FOXP2: variants seen among roughly 807,000 people sequenced by gnomAD.
The protein encoded by FOXP2 is forkhead box P2, also known as forkhead box protein P2.
Under a neutral mutation model 115.8 loss-of-function variants are expected in FOXP2, and 12 were observed. The observed-to-expected ratio is 0.10, with a 90% CI of 0.07 to 0.17. FOXP2 has a LOEUF of 0.17. Ranked by LOEUF, FOXP2 falls within the 10% of genes least tolerant of loss-of-function variation. FOXP2 has a pLI of 1.00. For synonymous variants in FOXP2, 328 were observed against 297.7 expected (o/e 1.10, Z -1.05); for missense variants, 629 against 843.5 (o/e 0.75, Z 3.15).
chr7:114,501,935 C>G (rs1272113200), intron 2 of FOXP2, among the ~76,000 whole-genome samples: 1 of 151,920 alleles, frequency 6.6e-6, no homozygotes, highest in Non-Finnish European at 1.5e-5. Flanking sequence ...TATTAATAAA[C>G]TGGAAACAAG....
chr7:114,311,115 G>T (rs1410015622), intron 2 of FOXP2, among the ~76,000 whole-genome samples: 1 of 152,006 alleles, frequency 6.6e-6, no homozygotes, highest in Non-Finnish European at 1.5e-5. Context: ...TTTCCCTGGC[G>T]CTGGCTGTGA....
chr7:114,664,244 G>C, intron 15 of FOXP2, 29 bp from the exon 16 acceptor site: 1 of 1,610,808 alleles, frequency 6.2e-7, no homozygotes, highest in Non-Finnish European at 8.5e-7. Context: ...CATTTTGAAA[G>C]TTGTTTTACA....
chr7:114,387,298 A>G (rs2129193365), intron 2 of FOXP2, among the ~76,000 whole-genome samples: 1 of 152,342 alleles, frequency 6.6e-6, no homozygotes, highest in East Asian at 1.9e-4. Context: ...TCATTGGAGT[A>G]TTAAATATTT....
chr7:114,439,335 GA>G (rs1794496491), intron 2 of FOXP2, among the ~76,000 whole-genome samples: 1 of 152,040 alleles, frequency 6.6e-6, no homozygotes. Context: ...TAACCTTCCT[GA>G]GCCTCTCCGG....
chr7:114,423,862 CT>C (rs1314792733), intron 1 of FOXP2, among the ~76,000 whole-genome samples: 2 of 151,336 alleles, frequency 1.3e-5, no homozygotes, highest in Non-Finnish European at 3.0e-5. Flanking sequence ...ATACTCCAAG[CT>C]TTTTTAAGTG....
chr7:114,496,081 G>A (rs1016737299), intron 2 of FOXP2, among the ~76,000 whole-genome samples: 1 of 152,046 alleles, frequency 6.6e-6, no homozygotes, highest in Non-Finnish European at 1.5e-5. Flanking sequence ...AATAGCAAAA[G>A]TGGTGAATTC....
At chr7:114,243,504 G>C (rs1183366745) in intron 1 of FOXP2, among the ~76,000 whole-genome samples, 3 of 152,124 alleles carry the variant, frequency 2.0e-5, no homozygotes, top group Non-Finnish European at 4.4e-5. Context: ...GGTTGCTATT[G>C]AGAATGGGAT....
chr7:114,408,607 A>G (rs1584701372), intron 2 of FOXP2, among the ~76,000 whole-genome samples: 1 of 152,030 alleles, frequency 6.6e-6, no homozygotes, highest in African/African-American at 2.4e-5. Context: ...CATGTCTGTA[A>G]TCCCAGCTAC....
chr7:114,217,506 T>C lies in FOXP2; in HGVS notation c.-102+54418T>C, dbSNP rs112040317. Among the ~76,000 whole-genome samples the C allele has an allele frequency of 4.9e-3, 741 of 152,290 alleles. 3 individuals are homozygous for C. Among genetic ancestry groups the C allele is most frequent in the African/African-American group, 0.017 (687 of 41,568 alleles). On this transcript the variant is annotated intron_variant, in intron 1 of 17. Transcript: ENST00000634411. Reference sequence around the variant, plus strand: ...TTTGGTCATGAGACACTTTTTTTTTTCCTATAGGCAGAGAAACACTGGAAG... The same window carrying C: ...TTTGGTCATGAGACACTTTTTTTTTCCCTATAGGCAGAGAAACACTGGAAG...
At chr7:114,320,306 C>A (rs1476272102) in intron 2 of FOXP2, among the ~76,000 whole-genome samples, 3 of 152,220 alleles carry the variant, frequency 2.0e-5, no homozygotes, top group Non-Finnish European at 4.4e-5. Flanking sequence ...CTTCAACTTT[C>A]AAAACCCTGC....
chr7:114,328,736 C>A (rs527765611), intron 2 of FOXP2, among the ~76,000 whole-genome samples: 1 of 152,308 alleles, frequency 6.6e-6, no homozygotes, highest in African/African-American at 2.4e-5. Context: ...AATACATGCC[C>A]TATACTTGTT....
chr7:114,302,397 T>C (rs1796900189), intron 2 of FOXP2, among the ~76,000 whole-genome samples: 2 of 152,198 alleles, frequency 1.3e-5, no homozygotes, highest in African/African-American at 4.8e-5. Context: ...TCCTAGTTGC[T>C]TCATACTTCT....
chr7:114,210,140 C>T (rs1270646727), intron 1 of FOXP2, among the ~76,000 whole-genome samples: 1 of 152,170 alleles, frequency 6.6e-6, no homozygotes, highest in African/African-American at 2.4e-5. Flanking sequence ...TCAATTCATC[C>T]ATCTTAGCCT....
chr7:114,626,989 G>A (rs1485153973), intron 3 of FOXP2, among the ~76,000 whole-genome samples: 1 of 151,740 alleles, frequency 6.6e-6, no homozygotes, highest in Non-Finnish European at 1.5e-5. Flanking sequence ...CTGTCATAAT[G>A]TTTCAAGTTA....
At chr7:114,507,157 C>T (rs916289570) in intron 2 of FOXP2, among the ~76,000 whole-genome samples, 1 of 151,248 alleles carries the variant, frequency 6.6e-6, no homozygotes, top group Non-Finnish European at 1.5e-5. Flanking sequence ...TTACCCCTAC[C>T]CCCCCCAAAT....
chr7:114,380,520 A>G (rs1792263637), intron 2 of FOXP2, among the ~76,000 whole-genome samples: 1 of 152,166 alleles, frequency 6.6e-6, no homozygotes, highest in South Asian at 2.1e-4. Context: ...GGGAACCTCT[A>G]AAAGGTCCCT....
chr7:114,310,383 G>T (rs1050477443), intron 2 of FOXP2, among the ~76,000 whole-genome samples: 35 of 152,270 alleles, frequency 2.3e-4, no homozygotes, highest in Admixed American at 2.0e-3. Flanking sequence ...GCCTATCAAG[G>T]CCCTTCCTAG....
chr7:114,474,422 A>G (rs1260762248), intron 2 of FOXP2, among the ~76,000 whole-genome samples: 2 of 152,186 alleles, frequency 1.3e-5, no homozygotes, highest in Admixed American at 6.6e-5. Context: ...CCTACAGCCT[A>G]GTATTAGATC....
At chr7:114,490,550 A>G (rs1017458722) in intron 2 of FOXP2, among the ~76,000 whole-genome samples, 1 of 152,046 alleles carries the variant, frequency 6.6e-6, no homozygotes, top group African/African-American at 2.4e-5. Context: ...ACATGTGCAC[A>G]ATGTGCAGGT....
Sources: gnomAD v4.1 joint callset for allele counts (sites outside exome capture counted in the v4.1 genomes callset) on GRCh38, gnomAD v4.1.1 for gene constraint, MANE v1.5 for transcripts, NCBI Gene and HGNC (gene_info 2026-07-23, HGNC 2026-07-21) for gene names.